Variants in VPS37A observed in about 807,000 individuals in gnomAD.
The protein encoded by VPS37A is VPS37A subunit of ESCRT-I.
Under a neutral mutation model 49.8 loss-of-function variants are expected in VPS37A, and 30 were observed. The ratio of observed to expected loss-of-function variants is 0.60; its 90% CI spans 0.45 to 0.82. The LOEUF (loss-of-function observed/expected upper bound fraction) is 0.82, where lower values mean the gene tolerates loss of function less well. Ranked by LOEUF, VPS37A falls within the 40% of genes least tolerant of loss-of-function variation. VPS37A has a pLI of 0.00. For synonymous variants in VPS37A, 195 were observed against 160.6 expected, an observed-to-expected ratio of 1.21 and a Z score of -1.62; for missense variants, 593 against 464.4, an observed-to-expected ratio of 1.28 and a Z score of -2.55.
intron 1 of VPS37A, among the ~76,000 whole-genome samples, chr8:17,257,330 T>G (rs927280063): frequency 2.0e-5 from 3 of 152,188 alleles, no homozygotes; most frequent in African/African-American, 7.2e-5. Flanking sequence ...TTGCAGTAAA[T>G]TTTGAAGCTG....
At chr8:17,286,324 A>G in intron 10 of VPS37A, 23 bp from the exon 11 acceptor site, 2 of 1,605,716 alleles carry the variant, frequency 1.2e-6, no homozygotes, top group Non-Finnish European at 1.7e-6. Context: ...AGTGACTGGT[A>G]TTTTCAAAAA....
chr8:17,267,837 T>C (rs569524254), intron 2 of VPS37A, among the ~76,000 whole-genome samples: 6 of 152,260 alleles, frequency 3.9e-5, no homozygotes, highest in African/African-American at 1.2e-4. Context: ...GTGACAGCAT[T>C]CTCAAAGTAG....
chr8:17,272,281 G>T (rs1440757207), intron 4 of VPS37A, among the ~76,000 whole-genome samples: 6 of 152,050 alleles, frequency 3.9e-5, no homozygotes, highest in African/African-American at 1.4e-4. Context: ...GATTTTTGTT[G>T]TTGTTGTTGT....
intron 9 of VPS37A, among the ~76,000 whole-genome samples, chr8:17,280,790 G>A (rs573656910): frequency 6.6e-6 from 1 of 151,770 alleles, no homozygotes; most frequent in African/African-American, 2.4e-5. Flanking sequence ...TACCTTAAAT[G>A]AAAAGTTCGC....
chr8:17,315,330 G>C, the VPS37A span, among the ~76,000 whole-genome samples: 164 of 152,260 alleles, frequency 1.1e-3, 1 homozygote, highest in Non-Finnish European at 1.4e-3. Context: ...CGGCTGCCAG[G>C]GGTTAGGGTT....
At chr8:17,272,153 C>A in intron 4 of VPS37A, 1 of 450,680 alleles carries the variant, frequency 2.2e-6, no homozygotes. Flanking sequence ...ACCATCTGCT[C>A]AAAGGCCCAC....
chr8:17,264,474 C>G (rs1218749495), intron 1 of VPS37A, among the ~76,000 whole-genome samples: 2 of 152,154 alleles, frequency 1.3e-5, no homozygotes, highest in African/African-American at 4.8e-5. Flanking sequence ...CCACTTGAGT[C>G]TTTTCTTAAT....
the VPS37A span, chr8:17,311,496 A>G: frequency 6.2e-7 from 1 of 1,614,074 alleles, no homozygotes; most frequent in Non-Finnish European, 8.5e-7. Flanking sequence ...GGAATCGCCC[A>G]GTGGCCACAC....
intron 9 of VPS37A, among the ~76,000 whole-genome samples, chr8:17,281,328 T>C (rs1815034942): frequency 6.6e-6 from 1 of 152,006 alleles, no homozygotes; most frequent in Admixed American, 6.6e-5. Flanking sequence ...GTCATACAAG[T>C]AGAAACATTA....
At chr8:17,247,562 C>A (rs182516741) in intron 1 of VPS37A, 193 bp downstream of exon 1, 3 of 787,624 alleles carry the variant, frequency 3.8e-6, no homozygotes, top group African/African-American at 1.7e-5. Flanking sequence ...CTCCCTGCCT[C>A]CTGCCGCACC....
intron 4 of VPS37A, among the ~76,000 whole-genome samples, chr8:17,273,500 G>T (rs1469975042): frequency 1.3e-5 from 2 of 151,968 alleles, no homozygotes; most frequent in African/African-American, 4.8e-5. Flanking sequence ...CCGAGTAGCT[G>T]GGACTACAGG....
chr8:17,277,802 A>G (rs2150397277), intron 6 of VPS37A, among the ~76,000 whole-genome samples: 2 of 151,588 alleles, frequency 1.3e-5, no homozygotes, highest in South Asian at 4.2e-4. Flanking sequence ...GCATTTGGAT[A>G]GTGGATCTCT....
intron 4 of VPS37A, among the ~76,000 whole-genome samples, chr8:17,271,358 C>T (rs1052153499): frequency 3.3e-5 from 5 of 152,198 alleles, no homozygotes; most frequent in Admixed American, 2.0e-4. Flanking sequence ...GTAATCCCAG[C>T]ACTTTGGGAG....
intron 9 of VPS37A, among the ~76,000 whole-genome samples, chr8:17,284,062 A>G (rs1463471107): frequency 6.6e-6 from 1 of 152,008 alleles, no homozygotes; most frequent in Non-Finnish European, 1.5e-5. Context: ...TAATCCCATC[A>G]TTTTTGCCTT....
rs1585972263 is a variant in VPS37A, at chr8:17,265,640, G to A, written c.126-267G>A. On this transcript the variant is annotated intron_variant, in intron 1 of 11. Transcript: ENST00000324849. ...AATTGGATAGAGTGATAGTAAAACA[G>A]TGTAGCATTAATGAAGAGTTTTTTC... 8 of 668,660 alleles carry A rather than the reference G, an allele frequency of 1.2e-5. No homozygotes were observed. In the East Asian group the frequency reaches 3.4e-4, roughly 29 times the overall value. 41.4% of individuals were successfully genotyped at this position (668,660 alleles called of 1,614,324 possible).
At chr8:17,258,863 G>T in intron 1 of VPS37A, among the ~76,000 whole-genome samples, 1 of 151,926 alleles carries the variant, frequency 6.6e-6, no homozygotes, top group East Asian at 1.9e-4. Context: ...CCGGCAATTT[G>T]TTCCTTTCTT....
intron 2 of VPS37A, among the ~76,000 whole-genome samples, chr8:17,266,471 T>C (rs1563254208): frequency 1.3e-5 from 2 of 152,216 alleles, no homozygotes; most frequent in Non-Finnish European, 2.9e-5. Context: ...AGGGTTTTAC[T>C]TAAGTTACAA....
At chr8:17,312,341 G>A in the VPS37A span, among the ~76,000 whole-genome samples, 7 of 152,216 alleles carry the variant, frequency 4.6e-5, no homozygotes, top group East Asian at 3.9e-4. Context: ...TTGGGAGGCC[G>A]TGGCGGGTGG....
At chr8:17,247,405 T>TGGG in intron 1 of VPS37A, 36 bp downstream of exon 1, 3 of 136,502 alleles carry the variant, frequency 2.2e-5, no homozygotes, top group Non-Finnish European at 3.6e-5. Context: ...GAGGAAAAAG[T>TGGG]AGGGTGGGAG....
Sources: allele counts gnomAD v4.1 joint callset (sites outside exome capture counted in the v4.1 genomes callset), GRCh38; gene constraint gnomAD v4.1.1; transcripts MANE v1.5; gene names NCBI Gene and HGNC (gene_info 2026-07-23, HGNC 2026-07-21).